Variants in SLC14A2 observed in about 807,000 individuals in gnomAD.
SLC14A2 encodes solute carrier family 14 member 2.
In SLC14A2, 91 loss-of-function variants were observed where a neutral mutation model predicts 104.6. The ratio of observed to expected loss-of-function variants is 0.87; its 90% confidence interval spans 0.73 to 1.04. SLC14A2 has a LOEUF of 1.04. Ranked by LOEUF, SLC14A2 falls within the 50% of genes least tolerant of loss-of-function variation. The pLI is 0.00. For missense variants in SLC14A2, 1,189 were observed against 1,156.0 expected (o/e 1.03, Z -0.41); for synonymous variants, 476 against 466.4 (o/e 1.02, Z -0.27).
intron 10 of SLC14A2, among the ~76,000 whole-genome samples, chr18:45,653,660 G>C (rs2045779673): frequency 6.6e-6 from 1 of 152,144 alleles, no homozygotes. Flanking sequence ...GCTGGTGGGG[G>C]TTCGTCACAC....
At chr18:45,373,121 C>T (rs2085740030) in intron 1 of SLC14A2, among the ~76,000 whole-genome samples, 1 of 152,128 alleles carries the variant, frequency 6.6e-6, no homozygotes, top group South Asian at 2.1e-4. Context: ...CCAACTAGAC[C>T]AGCTCCTCCA....
At chr18:45,395,697 C>T (rs928943165) in intron 1 of SLC14A2, among the ~76,000 whole-genome samples, 1 of 152,110 alleles carries the variant, frequency 6.6e-6, no homozygotes, top group Non-Finnish European at 1.5e-5. Context: ...AGACTTTACC[C>T]ACCCACTCAG....
At chr18:45,291,679 A>G (rs2084870567) in intron 1 of SLC14A2, among the ~76,000 whole-genome samples, 1 of 152,136 alleles carries the variant, frequency 6.6e-6, no homozygotes, top group Non-Finnish European at 1.5e-5. Flanking sequence ...ACTCGTTGGC[A>G]TGTTAGGGAT....
chr18:45,648,922 C>T (rs28582705), intron 10 of SLC14A2, among the ~76,000 whole-genome samples: 3,488 of 152,244 alleles, frequency 0.023, 130 homozygotes, highest in African/African-American at 0.08. Context: ...CCTTTCCCAA[C>T]ACTCATAATC....
chr18:45,173,659 C>CT, the SLC14A2 span, among the ~76,000 whole-genome samples: 1 of 152,088 alleles, frequency 6.6e-6, no homozygotes, highest in Non-Finnish European at 1.5e-5. Flanking sequence ...TGACTTGGAA[C>CT]TTGAAGCATG....
upstream of SLC14A2, among the ~76,000 whole-genome samples, chr18:45,211,103 A>G (rs1026723251): frequency 1.3e-5 from 2 of 152,206 alleles, no homozygotes; most frequent in African/African-American, 4.8e-5. Flanking sequence ...GCACCAGAGA[A>G]AATGTCTCTA....
chr18:45,407,839 G>T (rs1219054399), intron 1 of SLC14A2, among the ~76,000 whole-genome samples: 5 of 152,168 alleles, frequency 3.3e-5, no homozygotes, highest in African/African-American at 1.2e-4. Flanking sequence ...TCCTATTTGG[G>T]TGCTGTTCAT....
intron 6 of SLC14A2, among the ~76,000 whole-genome samples, chr18:45,638,844 T>G (rs1050954974): frequency 6.6e-6 from 1 of 152,098 alleles, no homozygotes; most frequent in Non-Finnish European, 1.5e-5. Flanking sequence ...AGTCACACAG[T>G]GAACTGTGCA....
intron 1 of SLC14A2, among the ~76,000 whole-genome samples, chr18:45,267,394 G>A (rs1387379189): frequency 6.6e-6 from 1 of 152,004 alleles, no homozygotes; most frequent in African/African-American, 2.4e-5. Context: ...ACTCTTTCTG[G>A]CCCCAGCATC....
chr18:45,648,595 T>G (rs2045668775), intron 10 of SLC14A2, among the ~76,000 whole-genome samples: 1 of 152,222 alleles, frequency 6.6e-6, no homozygotes, highest in Non-Finnish European at 1.5e-5. Context: ...CCCTTTGTTT[T>G]AACCTTCATC....
intron 2 of SLC14A2, among the ~76,000 whole-genome samples, chr18:45,574,568 C>A (rs1169435888): frequency 6.6e-6 from 1 of 152,194 alleles, no homozygotes; most frequent in African/African-American, 2.4e-5. Context: ...ACTGCCTCTG[C>A]CCTTTGCACA....
intron 2 of SLC14A2, among the ~76,000 whole-genome samples, chr18:45,512,680 G>A (rs113796817): frequency 3.9e-5 from 6 of 152,218 alleles, no homozygotes; most frequent in African/African-American, 1.4e-4. Flanking sequence ...AATTGATTAG[G>A]GCAATAGATT....
At position 45,675,716 on chromosome 18, in the gene SLC14A2, T is replaced by A. The variant is rs1351327817; in HGVS notation, c.2512+1899T>A. 5.2e-3 allele frequency among the ~76,000 whole-genome samples: 624 copies of A among 120,700 alleles called. 6 individuals carry two copies. The highest frequency in any genetic ancestry group is 0.019 in the African/African-American group (492 of 25,812). 79.2% of individuals were successfully genotyped at this position (120,700 alleles called of 152,430 possible). On this transcript the variant is annotated intron_variant, in intron 18 of 19. Coordinates refer to ENST00000255226, the MANE Select transcript of SLC14A2 (RefSeq NM_007163.4). ...ATATATATATATATATATATTTTTTTTTTTTTTTTTTTTGGAGAGACAGGG... is the reference window on the plus strand; with the variant it reads ...ATATATATATATATATATATTTTTTATTTTTTTTTTTTTGGAGAGACAGGG...
At chr18:45,254,037 AG>A (rs1298735571) in intron 1 of SLC14A2, among the ~76,000 whole-genome samples, 3 of 152,126 alleles carry the variant, frequency 2.0e-5, no homozygotes, top group African/African-American at 7.2e-5. Flanking sequence ...AAGGGGCCCT[AG>A]GGGTCATCCA....
chr18:45,463,980 G>A (rs1433325698), intron 1 of SLC14A2, among the ~76,000 whole-genome samples: 1 of 152,208 alleles, frequency 6.6e-6, no homozygotes, highest in Non-Finnish European at 1.5e-5. Flanking sequence ...TTACCAGGAT[G>A]TTTTGCAAGG....
rs1221482452 is a variant in SLC14A2, at chr18:45,637,137, G to A, written c.798G>A (p.Val266=). The change falls in exon 6 of 20, where the codon GTG becomes GTA. Residue 266 remains valine (V), a synonymous_variant. Coordinates refer to ENST00000255226, the MANE Select transcript of SLC14A2 (RefSeq NM_007163.4). ...LFFPTTLVEP[V]SSVPNITWTE... ...TCCCCACAACACTGGTAGAGCCTGT[G>A]TCTTCAGTGCCCAATATCACCTGGA... 3.1e-6 allele frequency: 5 copies of A among 1,614,190 alleles called. No individual in the cohort carries two copies. Among genetic ancestry groups the A allele is most frequent in the Non-Finnish European group, 8.5e-7 (1 of 1,180,020 alleles).
chr18:45,248,230 G>C (rs2084386248), intron 1 of SLC14A2, among the ~76,000 whole-genome samples: 1 of 152,134 alleles, frequency 6.6e-6, no homozygotes, highest in African/African-American at 2.4e-5. Context: ...CTGTGCCTTA[G>C]AGAAGAAAGA....
intron 2 of SLC14A2, among the ~76,000 whole-genome samples, chr18:45,526,115 A>G (rs1314419386): frequency 6.6e-6 from 1 of 152,224 alleles, no homozygotes; most frequent in East Asian, 1.9e-4. Context: ...GAGAAAATGA[A>G]TTTACATTGT....
chr18:45,408,820 G>A (rs537253174), intron 1 of SLC14A2, among the ~76,000 whole-genome samples: 1 of 152,224 alleles, frequency 6.6e-6, no homozygotes, highest in East Asian at 1.9e-4. Flanking sequence ...CCCAGAATAT[G>A]GATACATGAG....
Sources: gnomAD v4.1 joint callset for allele counts (sites outside exome capture counted in the v4.1 genomes callset) on GRCh38, gnomAD v4.1.1 for gene constraint, MANE v1.5 for transcripts, NCBI Gene and HGNC (gene_info 2026-07-23, HGNC 2026-07-21) for gene names.